The following ZNF205 variants were observed in gnomAD, a reference collection of about 807,000 sequenced individuals.
ZNF205 encodes transcriptional repressor RHIT.
Under a neutral mutation model 53.6 loss-of-function variants are expected in ZNF205, and 32 were observed. The ratio of observed to expected loss-of-function variants is 0.60; its 90% CI spans 0.45 to 0.80. The LOEUF is 0.80. ZNF205 is among the 30% of genes least tolerant of loss of function. The pLI, the probability that ZNF205 is intolerant of heterozygous loss-of-function variation, is 0.00. For missense variants in ZNF205, 836 were observed against 782.4 expected (o/e 1.07, Z -0.82); for synonymous variants, 382 against 334.3 (o/e 1.14, Z -1.56).
chr16:3,112,713 G>A, intron 1 of ZNF205, 31 bp downstream of exon 1: 1 of 275,816 alleles, frequency 3.6e-6, no homozygotes, highest in Non-Finnish European at 7.3e-6. Flanking sequence ...AGGGCATCTG[G>A]ATCCCGAGAC....
In ZNF205 at chr16:3,116,558, G is replaced by A. The variant is rs376095626; in HGVS notation, c.484+11G>A. 455 of 1,612,270 alleles carry A rather than the reference G, an allele frequency of 2.8e-4. 1 individual carries two copies. The highest frequency in any genetic ancestry group is 2.5e-3 in the Middle Eastern group (15 of 6,006). On this transcript the variant is annotated intron_variant, in intron 5 of 6. Transcript: ENST00000219091. ...ATGGGCTGTCACTGGGTAAGCACTCGCCTGGAGGGGGGACTGGGGTGTTAG... is the reference window on the plus strand; with the variant it reads ...ATGGGCTGTCACTGGGTAAGCACTCACCTGGAGGGGGGACTGGGGTGTTAG...
At chr16:3,114,886 T>C (rs1286586674) in intron 2 of ZNF205, 1 of 152,492 alleles carries the variant, frequency 6.6e-6, no homozygotes, top group African/African-American at 2.4e-5. Context: ...TCCTCTCCTA[T>C]TCTTATAAGG....
rs202114268 is a variant in ZNF205, at chr16:3,115,389, C to T, written c.92C>T (p.Pro31Leu). The T allele has an allele frequency of 1.3e-4, 204 of 1,607,060 alleles. No individual in the cohort carries two copies. The highest frequency in any genetic ancestry group is 2.4e-4 in the Admixed American group (14 of 58,904). ...CGTGGACATCCTCATCAGGAAATGCCTTCTAAGCTGGGGGAGGCGGTACCT... is the reference window on the plus strand; with the variant it reads ...CGTGGACATCCTCATCAGGAAATGCTTTCTAAGCTGGGGGAGGCGGTACCT... ...PDRGHPHQEMPSKLGEAVPSG... is the reference protein window; with the variant it reads ...PDRGHPHQEMLSKLGEAVPSG... Residue 31 changes from proline to leucine, a missense_variant, in exon 3 of 7, where the codon CCT (proline) becomes CTT (leucine). Physicochemically the swap from Pro to Leu is moderately conservative, Grantham distance 98. Coordinates refer to ENST00000219091, the MANE Select transcript of ZNF205 (RefSeq NM_001042428.2).
At chr16:3,116,129 G>A (rs1242304759) in intron 4 of ZNF205, 3 of 683,666 alleles carry the variant, frequency 4.4e-6, no homozygotes, top group South Asian at 3.8e-5. Flanking sequence ...TAGAGACACA[G>A]GGCCTCTCGC....
chr16:3,115,647 G>A (rs1256940373), intron 3 of ZNF205, 79 bp downstream of exon 3: 5 of 1,467,346 alleles, frequency 3.4e-6, no homozygotes, highest in African/African-American at 1.4e-5. Context: ...GGTCCAGGTG[G>A]GGCTGAGGGT....
intron 5 of ZNF205, 68 bp from the exon 6 acceptor site, chr16:3,118,837 G>A: frequency 6.5e-7 from 1 of 1,534,856 alleles, no homozygotes; most frequent in Non-Finnish European, 8.9e-7. Context: ...ATCAGTTTTG[G>A]GGAGATGCTG....
In ZNF205 at chr16:3,115,883, G is replaced by C. The variant is rs571894385; in HGVS notation, c.326G>C (p.Arg109Pro). ...TCCCGAGAGGGGAGGACCAGAGACC[G>C]GCAGATGGCTGCAGCGCTCCTCACT... ...VLSREGRTRD[R>P]QMAAALLTAW... The change falls in exon 4 of 7, where the codon CGG becomes CCG. Residue 109 changes from arginine to proline, a missense_variant. Transcript: ENST00000219091. 25 of 1,613,860 alleles carry C rather than the reference G, an allele frequency of 1.5e-5. No individual in the cohort carries two copies. The Admixed American group carries it at 2.0e-4, about 13-fold the overall frequency.
At chr16:3,115,202 C>G in intron 2 of ZNF205, 153 bp from the exon 3 acceptor site, 6 of 565,266 alleles carry the variant, frequency 1.1e-5, no homozygotes, top group South Asian at 6.8e-5. Flanking sequence ...TCTTGCCGCC[C>G]GTCCTTGCTG....
rs1456932325 is a variant in ZNF205 at position 3,119,891 on chromosome 16, C to G, written c.1231C>G (p.Gln411Glu). The change falls in exon 7 of 7, where the codon CAG (glutamine) becomes GAG (glutamate). Residue 411 changes from glutamine to glutamate, a missense_variant. Physicochemically the swap from Gln to Glu is conservative, Grantham distance 29 (BLOSUM62 2). Coordinates refer to ENST00000219091, the MANE Select transcript of ZNF205 (RefSeq NM_001042428.2). ...CCGCCGCTCGGACTTGGTCACCCACCAGGGCACCCACACGGGCGCCAAGCC... is the reference window on the plus strand; with the variant it reads ...CCGCCGCTCGGACTTGGTCACCCACGAGGGCACCCACACGGGCGCCAAGCC... Reference protein sequence around the residue: ...FTRRSDLVTHQGTHTGAKPHK... With the variant: ...FTRRSDLVTHEGTHTGAKPHK... 6 of 1,613,610 alleles carry G rather than the reference C, an allele frequency of 3.7e-6. No individual in the cohort carries two copies. Among genetic ancestry groups the G allele is most frequent in the Non-Finnish European group, 5.1e-6 (6 of 1,179,910 alleles).
At chr16:3,116,223 G>T in intron 4 of ZNF205, 1 of 737,668 alleles carries the variant, frequency 1.4e-6, no homozygotes. Context: ...TGTGATCCCT[G>T]AAAATACCTC....
chr16:3,113,689 G>A (rs1013667951), intron 2 of ZNF205, among the ~76,000 whole-genome samples: 2 of 152,236 alleles, frequency 1.3e-5, no homozygotes, highest in Non-Finnish European at 2.9e-5. Context: ...TCTCTAGCCA[G>A]TGGCCACAGG....
chr16:3,115,093 ACTG>A, intron 2 of ZNF205: 1 of 332,636 alleles, frequency 3.0e-6, no homozygotes, highest in Admixed American at 4.9e-5. Context: ...AGCAGTCTAC[ACTG>A]CTGAGGTCAG....
chr16:3,115,919 A>G lies in ZNF205; in HGVS notation c.362A>G (p.Gln121Arg). Residue 121 changes from glutamine to arginine, a missense_variant and splice_region_variant, in exon 4 of 7, where the codon CAG (glutamine) becomes CGG (arginine). Gln to Arg is a conservative substitution (Grantham distance 43, BLOSUM62 1). Coordinates refer to ENST00000219091, the MANE Select transcript of ZNF205 (RefSeq NM_001042428.2). ...GCAGCGCTCCTCACTGCCTGGTCCC[A>G]GGTGAGTGGCCCTTCCCCGGCCCCT... ...MAAALLTAWS[Q>R]MPVTFEDVAL... The G allele has an allele frequency of 1.2e-6, 2 of 1,613,170 alleles. No individual in the cohort carries two copies. Among genetic ancestry groups the G allele is most frequent in the South Asian group, 2.2e-5 (2 of 90,844 alleles).
intron 5 of ZNF205, among the ~76,000 whole-genome samples, chr16:3,118,538 G>C (rs1401724783): frequency 1.3e-5 from 2 of 152,230 alleles, no homozygotes; most frequent in African/African-American, 4.8e-5. Context: ...GATGACCTTA[G>C]TCGTTGGAGA....
Position 3,119,735 on chromosome 16 carries a change from A to ACGGG in ZNF205, c.1078_1081dup (p.Glu361GlyfsTer255). The ACGGG allele has an allele frequency of 6.2e-7, 1 of 1,613,162 alleles. No individual in the cohort carries two copies. The highest frequency in any genetic ancestry group is 8.5e-7 in the Non-Finnish European group (1 of 1,179,752). On this transcript the variant is annotated frameshift_variant, in exon 7 of 7. Coordinates refer to ENST00000219091, the MANE Select transcript of ZNF205 (RefSeq NM_001042428.2). LOFTEE classifies it high-confidence loss of function. Reference sequence around the variant, plus strand: ...CCTCATCCAGCACCAGATCATCCACACGGGCGAGAAGCCCTACACCTGCCC... The same window carrying ACGGG: ...CCTCATCCAGCACCAGATCATCCACACGGGCGGGCGAGAAGCCCTACACCTGCCC...
rs1371170210 is a variant in ZNF205, at chr16:3,119,419, G to A, written c.759G>A (p.Gln253=). 6.2e-7 allele frequency: 1 copy of A among 1,604,378 alleles called. No homozygotes were observed. The highest frequency in any genetic ancestry group is 2.3e-5 in the East Asian group (1 of 44,440). The change falls in exon 7 of 7, where the codon CAG becomes CAA. Residue 253 remains glutamine (Q), a synonymous_variant. Coordinates refer to ENST00000219091, the MANE Select transcript of ZNF205 (RefSeq NM_001042428.2). ...RSSGPAKDSG[Q]PAEPDRTPDA... ...CAGGGCCGGCCAAAGACTCCGGGCA[G>A]CCGGCTGAGCCAGATCGCACCCCGG...
Position 3,119,624 on chromosome 16 carries a change from C to T in ZNF205, c.964C>T (p.His322Tyr), listed in dbSNP as rs375491437. ...CGGCAAGGGCTTCAGCTGGCACTCGCACCTGGTGACGCACCGGCGCACGCA... is the reference window on the plus strand; with the variant it reads ...CGGCAAGGGCTTCAGCTGGCACTCGTACCTGGTGACGCACCGGCGCACGCA... Reference protein sequence around the residue: ...QCGKGFSWHSHLVTHRRTHTG... With the variant: ...QCGKGFSWHSYLVTHRRTHTG... The change falls in exon 7 of 7, where the codon CAC (histidine) becomes TAC (tyrosine). Residue 322 changes from histidine to tyrosine, a missense_variant. By Grantham distance (83) the His-to-Tyr change is moderately conservative (BLOSUM62 2). Coordinates refer to ENST00000219091, the MANE Select transcript of ZNF205 (RefSeq NM_001042428.2). 1.2e-5 allele frequency: 19 copies of T among 1,611,368 alleles called. No individual in the cohort carries two copies. Among genetic ancestry groups the T allele is most frequent in the Non-Finnish European group, 1.6e-5 (19 of 1,179,132 alleles).
At position 3,115,513 on chromosome 16, in the gene ZNF205, C is replaced by A. The variant is rs1220374410; in HGVS notation, c.216C>A (p.Gly72=). 1 of 1,603,672 alleles carries A rather than the reference C, an allele frequency of 6.2e-7. No individual in the cohort carries two copies. Among genetic ancestry groups the A allele is most frequent in the South Asian group, 1.1e-5 (1 of 89,468 alleles). The change falls in exon 3 of 7, where the codon GGC becomes GGA. Residue 72 remains glycine (G), a synonymous_variant. Transcript: ENST00000219091. ...AGGATGGGGCTCAAGGTGCCTGGGG[C>A]TGGGCACCCCTAAGTCACGGCTCTA... is the stretch of plus-strand genomic sequence containing the variant. ...SQEDGAQGAW[G]WAPLSHGSKE...
intron 4 of ZNF205, 78 bp from the exon 5 acceptor site, chr16:3,116,346 TCAC>T: frequency 6.3e-7 from 1 of 1,578,388 alleles, no homozygotes; most frequent in South Asian, 1.2e-5. Flanking sequence ...GTCCGGGGTC[TCAC>T]CACACATCTC....
Sources: gnomAD v4.1 joint callset for allele counts (sites outside exome capture counted in the v4.1 genomes callset) on GRCh38, gnomAD v4.1.1 for gene constraint, MANE v1.5 for transcripts, NCBI Gene and HGNC (gene_info 2026-07-23, HGNC 2026-07-21) for gene names.